The following GLIS2 variants were observed in gnomAD, a reference collection of about 807,000 sequenced individuals.
GLIS2 encodes zinc finger protein GLIS2.
Under a neutral mutation model 35.6 loss-of-function variants are expected in GLIS2, and 14 were observed. The ratio of observed to expected loss-of-function variants is 0.39; its 90% confidence interval spans 0.26 to 0.61. GLIS2 has a LOEUF of 0.61. Ranked by LOEUF, GLIS2 falls within the 20% of genes least tolerant of loss-of-function variation. GLIS2 has a pLI of 0.48. For missense variants in GLIS2, 675 were observed against 713.4 expected (o/e 0.95, Z 0.61); for synonymous variants, 368 against 325.1 (o/e 1.13, Z -1.42).
In GLIS2 at chr16:4,333,363, C is replaced by T; in HGVS notation, c.189C>T (p.Ser63=). 1 of 1,613,064 alleles carries T rather than the reference C, an allele frequency of 6.2e-7. No individual in the cohort carries two copies. Among genetic ancestry groups the T allele is most frequent in the Non-Finnish European group, 8.5e-7 (1 of 1,180,000 alleles). Residue 63 remains serine, a synonymous_variant, in exon 3 of 7, where the codon TCC becomes TCT. Transcript: ENST00000433375. ...CTCCCTCAGGCTTCCTGCTGAACTC[C>T]AAGTTCCCCGAGAAGGTGGAGGGAC... ...GSPPSGFLLN[S]KFPEKVEGRF... is the part of the protein sequence containing the mutation.
chr16:4,327,746 G>A (rs1460863035), intron 1 of GLIS2, among the ~76,000 whole-genome samples: 1 of 18,076 alleles, frequency 5.5e-5, no homozygotes, highest in Non-Finnish European at 1.1e-4. Flanking sequence ...CGAAGCCCCC[G>A]CCGTCCCGGT....
rs1378105349 is a variant in GLIS2, at chr16:4,338,848, T to G, written c.*1324T>G. On this transcript the variant is annotated 3_prime_UTR_variant, in exon 7 of 7. Coordinates refer to ENST00000433375, the MANE Select transcript of GLIS2 (RefSeq NM_032575.3). ...ACGCCCTGAGGGATGGACGCAGCCA[T>G]GCACCCCCCATCTGGGGCCTCTCCC... 1 of 152,382 alleles carries G rather than the reference T, an allele frequency of 6.6e-6. No individual in the cohort carries two copies. Among genetic ancestry groups the G allele is most frequent in the Admixed American group, 6.5e-5 (1 of 15,288 alleles). 9.4% of individuals were successfully genotyped at this position (152,382 alleles called of 1,614,324 possible). A position where few individuals can be genotyped will look rare whatever the true frequency, so the allele number is the denominator to read the frequency against.
intron 1 of GLIS2, among the ~76,000 whole-genome samples, chr16:4,322,464 G>A (rs2053388105): frequency 6.6e-6 from 1 of 152,158 alleles, no homozygotes; most frequent in Admixed American, 6.5e-5. Flanking sequence ...GGAAAATGGG[G>A]AAAATGGCAT....
In GLIS2 at chr16:4,337,023, A is replaced by G. The variant is rs772566892; in HGVS notation, c.1074A>G (p.Pro358=). The G allele has an allele frequency of 6.2e-7, 1 of 1,600,620 alleles. No homozygotes were observed. The highest frequency in any genetic ancestry group is 8.5e-7 in the Non-Finnish European group (1 of 1,176,896). ...GGGCCCAGATCATCATCCCCAACCC[A>G]GCTGCCCTCTTTGGAGGCCCTGGCC... The part of the protein sequence containing the change: ...VSGAQIIIPN[P]AALFGGPGLP... The change falls in exon 7 of 7, where the codon CCA becomes CCG. Residue 358 remains proline, a synonymous_variant. Transcript: ENST00000433375.
intron 1 of GLIS2, among the ~76,000 whole-genome samples, chr16:4,321,960 C>G (rs903953415): frequency 3.3e-5 from 5 of 152,342 alleles, no homozygotes; most frequent in African/African-American, 1.2e-4. Flanking sequence ...CTTTGCCCAG[C>G]AGGCCCTCAG....
intron 1 of GLIS2, among the ~76,000 whole-genome samples, 147 bp downstream of exon 1, chr16:4,316,401 C>A (rs2053313289): frequency 6.7e-6 from 1 of 150,262 alleles, no homozygotes; most frequent in Non-Finnish European, 1.5e-5. Context: ...CTCGCCGAGG[C>A]CCCCGCGTTC....
upstream of GLIS2, among the ~76,000 whole-genome samples, chr16:4,315,940 C>A (rs1490162184): frequency 2.7e-5 from 4 of 149,084 alleles, no homozygotes; most frequent in African/African-American, 9.8e-5. Flanking sequence ...GGAGGCCGCC[C>A]CCCGCGCCCC....
chr16:4,330,253 G>C (rs916420767), intron 1 of GLIS2, among the ~76,000 whole-genome samples: 3 of 152,052 alleles, frequency 2.0e-5, no homozygotes, highest in African/African-American at 7.3e-5. Context: ...CTCCAGCCTG[G>C]GTGACTGAGA....
At chr16:4,323,142 T>C (rs1408837358) in intron 1 of GLIS2, among the ~76,000 whole-genome samples, 3 of 152,186 alleles carry the variant, frequency 2.0e-5, no homozygotes, top group Admixed American at 6.5e-5. Flanking sequence ...CTCAGATAGC[T>C]CTGGCTGGGT....
chr16:4,332,515 G>A lies in GLIS2; in HGVS notation c.172+63G>A. 2 of 1,566,920 alleles carry A rather than the reference G, an allele frequency of 1.3e-6. No individual in the cohort carries two copies. The highest frequency in any genetic ancestry group is 8.7e-7 in the Non-Finnish European group (1 of 1,154,826). On this transcript the variant is annotated intron_variant, in intron 2 of 6. Transcript: ENST00000433375. The surrounding 1 kb of genome is among the most constrained non-coding windows in gnomAD (Gnocchi z 5.4). ...ATCCAGTCATGGTGACAGGGAGAAT[G>A]GCCAAGTGTGTCCACCAGCATGTAG...
chr16:4,320,624 C>T lies in GLIS2; in HGVS notation c.-67+4370C>T, dbSNP rs1335563458. Among the ~76,000 whole-genome samples the T allele has an allele frequency of 2.0e-5, 3 of 152,160 alleles. No homozygotes were observed. The highest frequency in any genetic ancestry group is 4.4e-5 in the Non-Finnish European group (3 of 68,016). On this transcript the variant is annotated intron_variant, in intron 1 of 6. Coordinates refer to ENST00000433375, the MANE Select transcript of GLIS2 (RefSeq NM_032575.3). This position sits in a 1 kb window ranked among gnomAD's most constrained non-coding sequence, Gnocchi z 5.6. ...GGGCCAACGTGTCTGGAAGAAGCCTCTCCCCTTCCCTGCATCGTCTGCCTG... is the reference window on the plus strand; with the variant it reads ...GGGCCAACGTGTCTGGAAGAAGCCTTTCCCCTTCCCTGCATCGTCTGCCTG...
Position 4,337,428 on chromosome 16 carries a change from C to A in GLIS2, c.1479C>A (p.Gly493=), listed in dbSNP as rs373227853. The A allele has an allele frequency of 3.2e-6, 5 of 1,583,994 alleles. No individual in the cohort carries two copies. Among genetic ancestry groups the A allele is most frequent in the African/African-American group, 2.7e-5 (2 of 74,414 alleles). ...LPGTVLDLST[G]VNSAASSPEA... ...GCACCGTGCTGGACCTGTCCACGGGCGTCAACTCAGCTGCCAGCAGCCCAG... is the reference window on the plus strand; with the variant it reads ...GCACCGTGCTGGACCTGTCCACGGGAGTCAACTCAGCTGCCAGCAGCCCAG... Residue 493 remains glycine (G), a synonymous_variant, in exon 7 of 7, where the codon GGC becomes GGA. Coordinates refer to ENST00000433375, the MANE Select transcript of GLIS2 (RefSeq NM_032575.3).
At chr16:4,324,664 C>G (rs985644415) in intron 1 of GLIS2, 52 of 152,282 alleles carry the variant, frequency 3.4e-4, no homozygotes, top group African/African-American at 1.2e-3. Context: ...TCATTCAGCA[C>G]GTTTTATTAA....
In GLIS2 at chr16:4,320,029, C is replaced by T. The variant is rs950198125; in HGVS notation, c.-67+3775C>T. Among the ~76,000 whole-genome samples the T allele has an allele frequency of 1.3e-5, 2 of 150,520 alleles. No individual in the cohort carries two copies. Among genetic ancestry groups the T allele is most frequent in the Non-Finnish European group, 3.0e-5 (2 of 67,440 alleles). On this transcript the variant is annotated intron_variant, in intron 1 of 6. Transcript: ENST00000433375. This position sits in a 1 kb window ranked among gnomAD's most constrained non-coding sequence, Gnocchi z 5.6. ...GCTGGGGGATGGGTGGGGGCTGAGACTCTTCCAGTTCGATGGCTGGGGGGC... is the reference window on the plus strand; with the variant it reads ...GCTGGGGGATGGGTGGGGGCTGAGATTCTTCCAGTTCGATGGCTGGGGGGC...
intron 3 of GLIS2, 61 bp downstream of exon 3, chr16:4,333,580 A>G: frequency 6.6e-7 from 1 of 1,516,070 alleles, no homozygotes; most frequent in South Asian, 1.2e-5. Context: ...TTGCCATGAC[A>G]AAGTACCCCA....
chr16:4,330,269 C>A (rs1168564054), intron 1 of GLIS2, among the ~76,000 whole-genome samples: 1 of 152,082 alleles, frequency 6.6e-6, no homozygotes, highest in African/African-American at 2.4e-5. Context: ...TGAGAGACTC[C>A]ATTTCCAAAA....
intron 3 of GLIS2, among the ~76,000 whole-genome samples, chr16:4,333,747 C>G (rs1422308860): frequency 6.6e-6 from 1 of 152,166 alleles, no homozygotes; most frequent in Non-Finnish European, 1.5e-5. Flanking sequence ...CTGCTTCACT[C>G]CAGGCTCTGC....
Position 4,332,093 on chromosome 16 carries a change from T to C in GLIS2, c.-66-122T>C, listed in dbSNP as rs2053502532. ...TGCCGGCCAGGTCGCTCGGAGGGTC[T>C]CCCTACCCAGGAGACAACCTCACAC... On this transcript the variant is annotated intron_variant, in intron 1 of 6. Coordinates refer to ENST00000433375, the MANE Select transcript of GLIS2 (RefSeq NM_032575.3). The surrounding 1 kb of genome is among the most constrained non-coding windows in gnomAD (Gnocchi z 5.4). 3 of 762,258 alleles carry C rather than the reference T, an allele frequency of 3.9e-6. No individual in the cohort carries two copies. The Admixed American group carries it at 6.2e-5, about 16-fold the overall frequency. 47.2% of individuals were successfully genotyped at this position (762,258 alleles called of 1,614,324 possible).
intron 1 of GLIS2, among the ~76,000 whole-genome samples, 88 bp downstream of exon 1, chr16:4,316,342 C>T (rs1228252704): frequency 7.2e-6 from 1 of 138,336 alleles, no homozygotes; most frequent in Non-Finnish European, 1.6e-5. Flanking sequence ...CTGCGGGGCC[C>T]GAGGGTCTCC....
Sources: allele counts gnomAD v4.1 joint callset (sites outside exome capture counted in the v4.1 genomes callset), GRCh38; gene constraint gnomAD v4.1.1; non-coding constraint Gnocchi (gnomAD v3.1); transcripts MANE v1.5; gene names NCBI Gene and HGNC (gene_info 2026-07-23, HGNC 2026-07-21).